Variants in PTPRT observed in about 807,000 individuals in gnomAD.
PTPRT encodes the protein protein tyrosine phosphatase receptor type T, also known as receptor-type tyrosine-protein phosphatase T.
A neutral mutation model predicts 176.8 loss-of-function variants in PTPRT; 56 were observed. That is an observed-to-expected ratio of 0.32 (90% CI 0.26 to 0.40). The LOEUF (loss-of-function observed/expected upper bound fraction) is 0.40, where lower values mean the gene tolerates loss of function less well. PTPRT is among the 10% of genes least tolerant of loss of function. The pLI is 1.00. For missense variants in PTPRT, 1,540 were observed against 1,908.2 expected, an observed-to-expected ratio of 0.81 and a Z score of 3.60; for synonymous variants, 783 against 739.0, an observed-to-expected ratio of 1.06 and a Z score of -0.96.
intron 2 of PTPRT, among the ~76,000 whole-genome samples, chr20:42,795,100 T>C (rs2077434359): frequency 6.6e-6 from 1 of 151,632 alleles, no homozygotes; most frequent in Non-Finnish European, 1.5e-5. Context: ...TTCCTGGAGA[T>C]CAAAAATGAG....
At position 42,494,069 on chromosome 20, in the gene PTPRT, C is replaced by T. The variant is rs1310356639; in HGVS notation, c.1154-21507G>A. On this transcript the variant is annotated intron_variant, in intron 7 of 30. Coordinates refer to ENST00000373187, the MANE Select transcript of PTPRT (RefSeq NM_007050.6). ...TAAATATGAAGATAGGGGCTTTTCT[C>T]AATCATCTCGACCCTTTCATCTACC... Among the ~76,000 whole-genome samples, 3 of 152,114 alleles carry T rather than the reference C, an allele frequency of 2.0e-5. No homozygotes were observed. In the East Asian group the frequency reaches 5.8e-4, roughly 29 times the overall value.
intron 1 of PTPRT, among the ~76,000 whole-genome samples, chr20:43,087,938 C>G (rs965917144): frequency 6.6e-6 from 1 of 152,154 alleles, no homozygotes; most frequent in Non-Finnish European, 1.5e-5. Context: ...TACAAAATTA[C>G]AGCTAGATAA....
At chr20:42,504,164 G>C (rs573823707) in intron 7 of PTPRT, among the ~76,000 whole-genome samples, 86 of 152,186 alleles carry the variant, frequency 5.7e-4, no homozygotes, top group African/African-American at 1.9e-3. Flanking sequence ...GAATAAAATA[G>C]AGGATTTTAT....
rs145020827 is a variant in PTPRT at position 42,693,908 on chromosome 20, C to G, written c.860-15749G>C. Among the ~76,000 whole-genome samples, 110 of 152,238 alleles carry G rather than the reference C, an allele frequency of 7.2e-4. No individual in the cohort carries two copies. In the East Asian group the frequency reaches 0.017, roughly 24 times the overall value. ...CACCTCATCATTCATCCCTGGGAAC[C>G]ACCAATCTGTTTTCTACTTCTAAAA... On this transcript the variant is annotated intron_variant, in intron 6 of 30. Coordinates refer to ENST00000373187, the MANE Select transcript of PTPRT (RefSeq NM_007050.6).
intron 9 of PTPRT, among the ~76,000 whole-genome samples, chr20:42,371,331 A>G (rs140677727): frequency 3.3e-5 from 5 of 152,192 alleles, no homozygotes; most frequent in Non-Finnish European, 5.9e-5. Context: ...TATGTCTCAC[A>G]TTGCTTCTTC....
chr20:42,316,406 A>T (rs995456215), intron 11 of PTPRT, among the ~76,000 whole-genome samples: 3 of 152,122 alleles, frequency 2.0e-5, no homozygotes, highest in Non-Finnish European at 4.4e-5. Flanking sequence ...TGGCTTCTGC[A>T]GGTTTGCATC....
chr20:42,513,895 C>T (rs1168507197), intron 7 of PTPRT, among the ~76,000 whole-genome samples: 6 of 151,982 alleles, frequency 3.9e-5, no homozygotes, highest in African/African-American at 9.7e-5. Context: ...GAATGCATTC[C>T]GCTCTAATAT....
chr20:42,779,321 C>T (rs1444977774), intron 4 of PTPRT, among the ~76,000 whole-genome samples: 2 of 152,220 alleles, frequency 1.3e-5, no homozygotes, highest in Non-Finnish European at 2.9e-5. Context: ...TAGCCCAAAG[C>T]ATGACTCATG....
intron 7 of PTPRT, among the ~76,000 whole-genome samples, chr20:42,599,239 G>T (rs755907305): frequency 6.6e-6 from 1 of 152,102 alleles, no homozygotes; most frequent in African/African-American, 2.4e-5. Context: ...CCTGAATATG[G>T]AGCAAAAGCT....
chr20:42,565,277 G>A (rs1241343682), intron 7 of PTPRT, among the ~76,000 whole-genome samples: 17 of 152,162 alleles, frequency 1.1e-4, no homozygotes, highest in Admixed American at 1.1e-3. Context: ...GTGTGACAGG[G>A]CCTGCTTCTG....
chr20:43,039,562 G>A (rs927056), intron 1 of PTPRT, among the ~76,000 whole-genome samples: 48,284 of 151,760 alleles, frequency 0.32, 10,627 homozygotes, highest in African/African-American at 0.62. Context: ...TGAAAAATCA[G>A]TAACATACTG....
intron 9 of PTPRT, among the ~76,000 whole-genome samples, chr20:42,425,229 A>G (rs931209242): frequency 1.3e-5 from 2 of 152,190 alleles, no homozygotes; most frequent in Non-Finnish European, 2.9e-5. Context: ...CCACACAAAG[A>G]TTACTATAAC....
At chr20:42,692,476 C>T (rs897384271) in intron 6 of PTPRT, among the ~76,000 whole-genome samples, 2 of 152,142 alleles carry the variant, frequency 1.3e-5, no homozygotes, top group African/African-American at 4.8e-5. Flanking sequence ...GCTGAGGAAG[C>T]ACTTGATGGA....
intron 6 of PTPRT, among the ~76,000 whole-genome samples, chr20:42,682,193 T>C (rs950680431): frequency 1.3e-5 from 2 of 152,236 alleles, no homozygotes; most frequent in Non-Finnish European, 2.9e-5. Flanking sequence ...TAACCATTTC[T>C]GTATCTTAAC....
chr20:42,424,414 TTGGGCAGAGAACACCAGAGC>T (rs2059145632), intron 9 of PTPRT, among the ~76,000 whole-genome samples: 2 of 152,182 alleles, frequency 1.3e-5, no homozygotes, highest in Admixed American at 6.5e-5. Flanking sequence ...TTCCAGAGCC[TTGGGCAGAGAACACCAGAGC>T]TGGTAGTAAA....
At position 42,077,653 on chromosome 20, in the gene PTPRT, A is replaced by C. The variant is rs1407194151; in HGVS notation, c.*3226T>G. ...TCCTTGTCCCATGGGATCTTAGGGA[A>C]GTCATCCCCATCCATAAGCCTCAAT... On this transcript the variant is annotated 3_prime_UTR_variant, in exon 31 of 31. Coordinates refer to ENST00000373187, the MANE Select transcript of PTPRT (RefSeq NM_007050.6). 3 of 219,372 alleles carry C rather than the reference A, an allele frequency of 1.4e-5. No homozygotes were observed. The highest frequency in any genetic ancestry group is 1.8e-4 in the South Asian group (1 of 5,408). 13.6% of individuals were successfully genotyped at this position (219,372 alleles called of 1,614,324 possible).
chr20:42,300,198 T>C (rs968973684), intron 12 of PTPRT, among the ~76,000 whole-genome samples: 26 of 139,724 alleles, frequency 1.9e-4, no homozygotes, highest in African/African-American at 7.1e-4. Flanking sequence ...GCAGAGGTTG[T>C]AGTGAGCCAA....
intron 7 of PTPRT, among the ~76,000 whole-genome samples, chr20:42,493,185 G>C (rs905414381): frequency 6.6e-6 from 1 of 152,152 alleles, no homozygotes; most frequent in Non-Finnish European, 1.5e-5. Flanking sequence ...CAAAGTTCCT[G>C]TTTTACAGAT....
At chr20:42,047,390 G>A in the PTPRT span, among the ~76,000 whole-genome samples, 1 of 152,212 alleles carries the variant, frequency 6.6e-6, no homozygotes, top group Non-Finnish European at 1.5e-5. Context: ...CAAGTGACAA[G>A]ACCCTCTTCC....
Sources: gnomAD v4.1 joint callset for allele counts (sites outside exome capture counted in the v4.1 genomes callset) on GRCh38, gnomAD v4.1.1 for gene constraint, MANE v1.5 for transcripts, NCBI Gene and HGNC (gene_info 2026-07-23, HGNC 2026-07-21) for gene names.